Variants in MYOM1 observed in about 807,000 individuals in gnomAD.
MYOM1 encodes myomesin 1, also known as myomesin-1.
MYOM1 carries 164 observed loss-of-function variants against 205.3 expected under a neutral mutation model. The ratio of observed to expected loss-of-function variants is 0.80; its 90% CI spans 0.70 to 0.91. The LOEUF (loss-of-function observed/expected upper bound fraction) is 0.91, where lower values mean the gene tolerates loss of function less well. Among genes scored for constraint, MYOM1 ranks in the 40% least tolerant of loss-of-function variants. MYOM1 has a pLI of 0.00. For synonymous variants in MYOM1, 772 were observed against 789.4 expected (o/e 0.98, Z 0.37); for missense variants, 2,011 against 2,127.3 (o/e 0.95, Z 1.08).
intron 37 of MYOM1, 43 bp from the exon 38 acceptor site, chr18:3,067,598 G>A (rs771556189): frequency 2.7e-5 from 43 of 1,579,000 alleles, no homozygotes; most frequent in Non-Finnish European, 3.6e-5. Context: ...TAAATTAGAT[G>A]TAATAGACAC....
intron 25 of MYOM1, 74 bp downstream of exon 25, chr18:3,100,085 G>T: frequency 7.1e-7 from 1 of 1,407,984 alleles, no homozygotes; most frequent in Non-Finnish European, 1.0e-6. Context: ...CATCAGAGCT[G>T]TCATCTGATC....
chr18:3,093,938 G>A (rs1297632475), intron 26 of MYOM1, among the ~76,000 whole-genome samples: 2 of 151,990 alleles, frequency 1.3e-5, no homozygotes, highest in African/African-American at 2.4e-5. Flanking sequence ...AGACCGTTTT[G>A]GTTTATGACT....
chr18:3,197,664 G>C (rs1302336154), intron 2 of MYOM1, among the ~76,000 whole-genome samples: 1 of 151,876 alleles, frequency 6.6e-6, no homozygotes, highest in Non-Finnish European at 1.5e-5. Flanking sequence ...ACGAGGTCAG[G>C]AGATCGAGAC....
chr18:3,173,693 G>T (rs1462838585), intron 8 of MYOM1, among the ~76,000 whole-genome samples: 1 of 149,684 alleles, frequency 6.7e-6, no homozygotes, highest in African/African-American at 2.5e-5. Flanking sequence ...AAAAACATTT[G>T]CTATTTTTAG....
rs143656508 is a variant in MYOM1, at chr18:3,165,348, G to A, written c.1340-909C>T. Among the ~76,000 whole-genome samples the A allele has an allele frequency of 2.2e-4, 33 of 152,240 alleles. No individual in the cohort carries two copies. In the East Asian group the frequency reaches 6.0e-3, roughly 28 times the overall value. ...ACCTGTGGAGGTGACACTACAAGCC[G>A]AACATGATTTCATGATTTGTATAAA... On this transcript the variant is annotated intron_variant, in intron 9 of 37. Transcript: ENST00000356443.
At chr18:3,175,996 T>C in intron 6 of MYOM1, 46 bp downstream of exon 6, 1 of 1,228,872 alleles carries the variant, frequency 8.1e-7, no homozygotes, top group Non-Finnish European at 1.2e-6. Flanking sequence ...GTGAGAAGCC[T>C]CCCTGAGCAA....
intron 9 of MYOM1, among the ~76,000 whole-genome samples, chr18:3,166,276 T>TTA (rs1555625813): frequency 2.1e-5 from 3 of 142,510 alleles, no homozygotes; most frequent in South Asian, 2.3e-4. Flanking sequence ...TTTTTTTTTT[T>TTA]TTTTTTTTAT....
intron 5 of MYOM1, among the ~76,000 whole-genome samples, chr18:3,182,913 C>CTTTTTTTTTTTTTTTTTT (rs549386891): frequency 1.1e-5 from 1 of 92,266 alleles, no homozygotes; most frequent in Admixed American, 1.3e-4. Flanking sequence ...TTTCTTTCTT[C>CTTTTTTTTTTTTTTTTTT]TTTTTTTTTT....
intron 22 of MYOM1, among the ~76,000 whole-genome samples, chr18:3,104,620 TAAC>T (rs2079426194): frequency 2.0e-5 from 3 of 152,154 alleles, no homozygotes; most frequent in Non-Finnish European, 1.5e-5. Context: ...TTTTGTAGTG[TAAC>T]ACCTCACCCA....
intron 10 of MYOM1, among the ~76,000 whole-genome samples, chr18:3,155,387 A>G (rs867617392): frequency 2.0e-5 from 3 of 152,224 alleles, no homozygotes; most frequent in East Asian, 3.9e-4. Context: ...ACGCCCAGCT[A>G]ATTTCTTTTT....
Position 3,149,173 on chromosome 18 carries a change from C to G in MYOM1, c.1872G>C (p.Gln624His), listed in dbSNP as rs771542759. ...AAGGTTCCTCTTCAGTAACAATGAT[C>G]TGTCCAGTCCAGGGTGCTGAGGGGC... is the stretch of plus-strand genomic sequence containing the variant. ...KSRPSAPWTGQIIVTEEEPSE... is the reference protein window; with the variant it reads ...KSRPSAPWTGHIIVTEEEPSE... Residue 624 changes from glutamine (Q) to histidine (H), a missense_variant, in exon 13 of 38, where the codon CAG becomes CAC. Physicochemically the swap from Gln to His is conservative, Grantham distance 24 (BLOSUM62 0). Transcript: ENST00000356443. 8.1e-6 allele frequency: 13 copies of G among 1,613,814 alleles called. No homozygotes were observed. The highest frequency in any genetic ancestry group is 1.6e-4 in the Middle Eastern group (1 of 6,084).
At chr18:3,136,099 A>C in intron 14 of MYOM1, among the ~76,000 whole-genome samples, 1 of 142,822 alleles carries the variant, frequency 7.0e-6, no homozygotes, top group South Asian at 2.3e-4. Context: ...TATAAGGAGA[A>C]ACCTCTTTCA....
At chr18:3,104,455 C>T (rs1306566317) in intron 22 of MYOM1, among the ~76,000 whole-genome samples, 2 of 152,172 alleles carry the variant, frequency 1.3e-5, no homozygotes, top group Non-Finnish European at 2.9e-5. Context: ...TTGTTTATTA[C>T]ATTAGAGGTA....
At chr18:3,123,200 T>C (rs2143847228) in intron 19 of MYOM1, among the ~76,000 whole-genome samples, 1 of 152,304 alleles carries the variant, frequency 6.6e-6, no homozygotes, top group Non-Finnish European at 1.5e-5. Flanking sequence ...GTAAAAGTTA[T>C]AAAATTTGGA....
chr18:3,097,654 G>A (rs960173708), intron 25 of MYOM1, among the ~76,000 whole-genome samples: 2 of 151,980 alleles, frequency 1.3e-5, no homozygotes, highest in Non-Finnish European at 2.9e-5. Context: ...TGATCCTCCC[G>A]CCTTGGCTTT....
the MYOM1 span, among the ~76,000 whole-genome samples, chr18:3,234,923 A>ATT: frequency 4.6e-4 from 67 of 145,568 alleles, no homozygotes; most frequent in Admixed American, 2.0e-3. Flanking sequence ...ATCTCTTTAA[A>ATT]TTTTTTTTTT....
At position 3,154,200 on chromosome 18, in the gene MYOM1, A is replaced by G. The variant is rs145210046; in HGVS notation, c.1643+747T>C. On this transcript the variant is annotated intron_variant, in intron 11 of 37. Transcript: ENST00000356443. The stretch of plus-strand genomic sequence containing the variant: ...TGATTTCATTTCCAAGGTGGCCTCT[A>G]TGAGGTCTACAAATTCATAGCATTC... Among the ~76,000 whole-genome samples, 25 of 152,246 alleles carry G rather than the reference A, an allele frequency of 1.6e-4. No homozygotes were observed. In the East Asian group the frequency reaches 4.9e-3, roughly 30 times the overall value.
At chr18:3,157,755 G>A (rs2080323772) in intron 10 of MYOM1, among the ~76,000 whole-genome samples, 1 of 150,456 alleles carries the variant, frequency 6.6e-6, no homozygotes, top group African/African-American at 2.4e-5. Flanking sequence ...CTACGATATA[G>A]TGTGAGAAAC....
chr18:3,104,969 A>C (rs1267621248), intron 22 of MYOM1, among the ~76,000 whole-genome samples: 1 of 152,058 alleles, frequency 6.6e-6, no homozygotes, highest in African/African-American at 2.4e-5. Context: ...GGCTGGTCTC[A>C]AACTCCTGAG....
Sources: gnomAD v4.1 joint callset for allele counts (sites outside exome capture counted in the v4.1 genomes callset) on GRCh38, gnomAD v4.1.1 for gene constraint, MANE v1.5 for transcripts, NCBI Gene and HGNC (gene_info 2026-07-23, HGNC 2026-07-21) for gene names.